The following TRERF1 variants were observed in gnomAD, a reference collection of about 807,000 sequenced individuals.
TRERF1 encodes transcriptional-regulating factor 1.
In TRERF1, 27 loss-of-function variants were observed where a neutral mutation model predicts 122.9. That is an observed-to-expected ratio of 0.22 (90% CI 0.16 to 0.30). The LOEUF is 0.30. Ranked by LOEUF, TRERF1 falls within the 10% of genes least tolerant of loss-of-function variation. The pLI, the probability that TRERF1 is intolerant of heterozygous loss-of-function variation, is 1.00. For synonymous variants in TRERF1, 636 were observed against 641.7 expected, an observed-to-expected ratio of 0.99 and a Z score of 0.13; for missense variants, 1,248 against 1,560.3, an observed-to-expected ratio of 0.80 and a Z score of 3.37.
chr6:42,338,640 C>A (rs1389445385), intron 3 of TRERF1, among the ~76,000 whole-genome samples: 1 of 152,176 alleles, frequency 6.6e-6, no homozygotes, highest in African/African-American at 2.4e-5. Flanking sequence ...TCTGCCACCT[C>A]CCTTCCTCAC....
chr6:42,398,926 GCCTGGAA>G (rs1180278273), intron 2 of TRERF1, among the ~76,000 whole-genome samples: 1 of 152,212 alleles, frequency 6.6e-6, no homozygotes, highest in Non-Finnish European at 1.5e-5. Flanking sequence ...AGAAATACTG[GCCTGGAA>G]CCTACATTGT....
intron 3 of TRERF1, among the ~76,000 whole-genome samples, chr6:42,348,390 A>G (rs564780316): frequency 6.6e-6 from 1 of 152,160 alleles, no homozygotes; most frequent in South Asian, 2.1e-4. Flanking sequence ...AGTAGCTGGG[A>G]TTACAGCCAT....
intron 2 of TRERF1, among the ~76,000 whole-genome samples, chr6:42,367,032 G>A (rs1486713018): frequency 6.6e-6 from 1 of 152,208 alleles, no homozygotes; most frequent in African/African-American, 2.4e-5. Context: ...GAAGTCACAG[G>A]AGCACTGGAG....
chr6:42,375,269 G>A (rs1774638834), intron 2 of TRERF1, among the ~76,000 whole-genome samples: 2 of 152,272 alleles, frequency 1.3e-5, no homozygotes, highest in East Asian at 1.9e-4. Flanking sequence ...GGCTGAAGAT[G>A]CAAGCCCGAA....
At chr6:42,337,220 C>T (rs992642868) in intron 3 of TRERF1, among the ~76,000 whole-genome samples, 8 of 152,166 alleles carry the variant, frequency 5.3e-5, no homozygotes, top group African/African-American at 1.7e-4. Context: ...GCCAGAAGAC[C>T]CCTCTCAGAG....
At chr6:42,339,436 A>G (rs1234917359) in intron 3 of TRERF1, among the ~76,000 whole-genome samples, 1 of 152,086 alleles carries the variant, frequency 6.6e-6, no homozygotes, top group East Asian at 1.9e-4. Context: ...AAACCAACCC[A>G]CTTTTGAAAC....
chr6:42,365,166 C>A (rs539346288), intron 2 of TRERF1, among the ~76,000 whole-genome samples: 1 of 152,194 alleles, frequency 6.6e-6, no homozygotes, highest in African/African-American at 2.4e-5. Context: ...CAAGTGCGGG[C>A]GTGGCCCTGA....
chr6:42,291,708 T>TG lies in TRERF1; in HGVS notation c.-259+8929_-259+8930insC, dbSNP rs1207788109. Among the ~76,000 whole-genome samples the TG allele has an allele frequency of 2.6e-5, 4 of 151,698 alleles. No individual in the cohort carries two copies. In the East Asian group the frequency reaches 5.8e-4, roughly 22 times the overall value. On this transcript the variant is annotated intron_variant, in intron 4 of 17. Coordinates refer to ENST00000372922, the Ensembl canonical transcript of TRERF1. ...GCCACCACGCCCGGCTGTTTTTTTTTTTTGTGTGTGTATTTTTTAGTAGAG... is the reference window on the plus strand; with the variant it reads ...GCCACCACGCCCGGCTGTTTTTTTTTGTTTGTGTGTGTATTTTTTAGTAGAG...
chr6:42,332,439 G>A (rs1039181858), intron 3 of TRERF1, among the ~76,000 whole-genome samples: 1 of 152,168 alleles, frequency 6.6e-6, no homozygotes, highest in Non-Finnish European at 1.5e-5. Flanking sequence ...AGGCTCTCTC[G>A]GAGGTGAAGC....
Position 42,259,823 on chromosome 6 carries a change from G to A in TRERF1, c.1885-100C>T. 14 of 1,522,808 alleles carry A rather than the reference G, an allele frequency of 9.2e-6. No homozygotes were observed. The South Asian group carries it at 1.6e-4, about 18-fold the overall frequency. The allele number at this position is 1,522,808 out of a possible 1,614,324, so 94.3% of individuals were successfully genotyped here. Reference sequence around the variant, plus strand: ...GGGCCTTCTACTGTCTAAGCAGAGAGCCCTTCTGCTTGACCCCCCCACCCC... The same window carrying A: ...GGGCCTTCTACTGTCTAAGCAGAGAACCCTTCTGCTTGACCCCCCCACCCC... On this transcript the variant is annotated intron_variant, in intron 8 of 17. Coordinates refer to ENST00000372922, the Ensembl canonical transcript of TRERF1. This position sits in a 1 kb window ranked among gnomAD's most constrained non-coding sequence, Gnocchi z 4.9.
chr6:42,416,756 C>A (rs1781889345), intron 2 of TRERF1, among the ~76,000 whole-genome samples: 1 of 152,128 alleles, frequency 6.6e-6, no homozygotes, highest in Non-Finnish European at 1.5e-5. Flanking sequence ...TCACCTGTAC[C>A]TTCAATATTT....
rs186231850 is a variant in TRERF1, at chr6:42,387,207, C to T, written c.-453-24128G>A. ...GCCACTGGGGGTAAACCCACTCTGC[C>T]CCAAGAAATGTTATCTATTTCCTTT... On this transcript the variant is annotated intron_variant, in intron 2 of 17. Coordinates refer to ENST00000372922, the Ensembl canonical transcript of TRERF1. Among the ~76,000 whole-genome samples, 352 of 152,278 alleles carry T rather than the reference C, an allele frequency of 2.3e-3. 1 individual carries two copies. The highest frequency in any genetic ancestry group is 4.1e-3 in the Non-Finnish European group (282 of 68,026).
chr6:42,329,509 C>A lies in TRERF1; in HGVS notation c.-370-28760G>T, dbSNP rs192637961. 2.4e-4 allele frequency among the ~76,000 whole-genome samples: 37 copies of A among 152,256 alleles called. No individual in the cohort carries two copies. In the East Asian group the frequency reaches 4.4e-3, roughly 18 times the overall value. On this transcript the variant is annotated intron_variant, in intron 3 of 17. Coordinates refer to ENST00000372922, the Ensembl canonical transcript of TRERF1. ...CCAGCTGCCACCGTGCCTAAGCAAC[C>A]CCCAGAAGAATTGTCCACTGTCTTC...
chr6:42,256,773 A>G, exon 12 of TRERF1: 3 of 1,614,254 alleles, frequency 1.9e-6, no homozygotes, highest in Non-Finnish European at 2.5e-6. Flanking sequence ...AAGCAAATTC[A>G]GAATTGGTCC....
chr6:42,400,540 C>T (rs892986971), intron 2 of TRERF1, among the ~76,000 whole-genome samples: 4 of 152,146 alleles, frequency 2.6e-5, no homozygotes, highest in African/African-American at 9.7e-5. Flanking sequence ...CTTTCCCCAA[C>T]CCCAATCACC....
At chr6:42,307,497 A>G (rs897354405) in intron 3 of TRERF1, among the ~76,000 whole-genome samples, 3 of 152,132 alleles carry the variant, frequency 2.0e-5, no homozygotes, top group African/African-American at 7.2e-5. Flanking sequence ...AGGAGAGTTC[A>G]AGGCTATTTC....
At chr6:42,239,638 G>A (rs755150220) in intron 15 of TRERF1, among the ~76,000 whole-genome samples, 34 of 152,278 alleles carry the variant, frequency 2.2e-4, no homozygotes, top group Admixed American at 3.9e-4. Flanking sequence ...TACATGATCA[G>A]GAGAGCTATC....
chr6:42,291,355 C>A (rs962574029), intron 4 of TRERF1, among the ~76,000 whole-genome samples: 3 of 151,902 alleles, frequency 2.0e-5, no homozygotes, highest in Non-Finnish European at 4.4e-5. Flanking sequence ...ACAGGCACGT[C>A]CCATGAATCT....
chr6:42,345,618 T>C (rs1338176317), intron 3 of TRERF1, among the ~76,000 whole-genome samples: 1 of 152,242 alleles, frequency 6.6e-6, no homozygotes, highest in Non-Finnish European at 1.5e-5. Flanking sequence ...GTTTTTAAAT[T>C]ATATTAGAAT....
Sources: allele counts gnomAD v4.1 joint callset (sites outside exome capture counted in the v4.1 genomes callset), GRCh38; gene constraint gnomAD v4.1.1; non-coding constraint Gnocchi (gnomAD v3.1); transcripts MANE v1.5; gene names NCBI Gene and HGNC (gene_info 2026-07-23, HGNC 2026-07-21).